The following DIP2C variants were observed in gnomAD, a reference collection of about 807,000 sequenced individuals.
The protein encoded by DIP2C is disco-interacting protein 2 homolog C.
Under a neutral mutation model 192.4 loss-of-function variants are expected in DIP2C, and 33 were observed. The ratio of observed to expected loss-of-function variants is 0.17; its 90% CI spans 0.13 to 0.23. DIP2C has a LOEUF of 0.23. Ranked by LOEUF, DIP2C falls within the 10% of genes least tolerant of loss-of-function variation. The pLI is 1.00. For synonymous variants in DIP2C, 979 were observed against 864.1 expected, an observed-to-expected ratio of 1.13 and a Z score of -2.33; for missense variants, 1,537 against 2,110.1, an observed-to-expected ratio of 0.73 and a Z score of 5.32.
At chr10:619,480 A>AT (rs1853698278) in intron 1 of DIP2C, among the ~76,000 whole-genome samples, 1 of 144,788 alleles carries the variant, frequency 6.9e-6, no homozygotes, top group Non-Finnish European at 1.5e-5. Flanking sequence ...CCTCAACAGG[A>AT]AGACGCAGAA....
At chr10:667,895 A>G (rs572791851) in intron 1 of DIP2C, 1 of 152,362 alleles carries the variant, frequency 6.6e-6, no homozygotes, top group East Asian at 1.9e-4. Flanking sequence ...CAACACACTC[A>G]TACAGCACAT....
chr10:577,873 A>G (rs1850274238), intron 1 of DIP2C, among the ~76,000 whole-genome samples: 1 of 151,556 alleles, frequency 6.6e-6, no homozygotes. Flanking sequence ...AACCTTTTGG[A>G]AAGTTGGGAG....
intron 32 of DIP2C, among the ~76,000 whole-genome samples, chr10:303,513 G>A (rs1956155409): frequency 6.6e-6 from 1 of 151,504 alleles, no homozygotes; most frequent in South Asian, 2.1e-4. Flanking sequence ...TCTATTAAAA[G>A]TTTTTTACTT....
chr10:409,671 G>A (rs1363230474), intron 8 of DIP2C, among the ~76,000 whole-genome samples: 3 of 152,200 alleles, frequency 2.0e-5, no homozygotes, highest in South Asian at 2.1e-4. Flanking sequence ...ATCCACAGCC[G>A]GTCTCACGTG....
chr10:650,491 TG>T (rs763782122), intron 1 of DIP2C: 1 of 702,166 alleles, frequency 1.4e-6, no homozygotes, highest in South Asian at 1.5e-5. Flanking sequence ...CCACTTCTAC[TG>T]GGTTCCCTAT....
chr10:337,283 C>CCTAGGCTGATGTGTGTGTGTGT (rs1957863988), intron 29 of DIP2C, among the ~76,000 whole-genome samples: 1 of 11,844 alleles, frequency 8.4e-5, no homozygotes, highest in African/African-American at 3.0e-4. Context: ...TGTGTGTGTT[C>CCTAGGCTGATGTGTGTGTGTGT]TGTGGAGGCC....
intron 1 of DIP2C, among the ~76,000 whole-genome samples, chr10:549,005 C>CCA (rs1848455508): frequency 6.7e-6 from 1 of 149,624 alleles, no homozygotes; most frequent in Non-Finnish European, 1.5e-5. Context: ...GTCCAATCCC[C>CCA]CACCCTAACG....
At chr10:640,156 A>G (rs1158203707) in intron 1 of DIP2C, among the ~76,000 whole-genome samples, 1 of 151,856 alleles carries the variant, frequency 6.6e-6, no homozygotes, top group East Asian at 1.9e-4. Context: ...CGCACCTACC[A>G]CGCGGCTAAC....
At chr10:575,483 G>A (rs534362501) in intron 1 of DIP2C, among the ~76,000 whole-genome samples, 11 of 152,284 alleles carry the variant, frequency 7.2e-5, no homozygotes, top group Non-Finnish European at 1.3e-4. Context: ...CAAAACAAAC[G>A]CAAAAGTCTC....
chr10:300,381 AGCCAGTCAC>A (rs528169857), intron 32 of DIP2C, among the ~76,000 whole-genome samples: 2,181 of 152,368 alleles, frequency 0.014, 32 homozygotes, highest in Non-Finnish European at 0.024. Flanking sequence ...AGGTAACATC[AGCCAGTCAC>A]GAAAAGACAA....
At chr10:658,004 T>C (rs1208894059) in intron 1 of DIP2C, among the ~76,000 whole-genome samples, 47 of 150,708 alleles carry the variant, frequency 3.1e-4, no homozygotes, top group Non-Finnish European at 5.6e-4. Flanking sequence ...CCACTGGACC[T>C]GACCCTGGAC....
intron 1 of DIP2C, chr10:663,034 C>T: frequency 4.5e-6 from 3 of 668,426 alleles, no homozygotes; most frequent in Non-Finnish European, 8.4e-6. Context: ...ACTCTAAACA[C>T]TCTGGACCCT....
At chr10:444,310 G>A (rs77995081) in intron 3 of DIP2C, among the ~76,000 whole-genome samples, 347 of 112,564 alleles carry the variant, frequency 3.1e-3, no homozygotes, top group African/African-American at 0.02. Context: ...GCACTGTTCC[G>A]TCACCCGAGA....
intron 1 of DIP2C, among the ~76,000 whole-genome samples, chr10:595,232 G>T (rs568691845): frequency 2.0e-5 from 3 of 152,164 alleles, no homozygotes; most frequent in African/African-American, 4.8e-5. Flanking sequence ...CCTCACGCAG[G>T]TTTACTCACC....
chr10:507,223 G>A (rs1489759913), intron 1 of DIP2C, among the ~76,000 whole-genome samples: 11 of 150,136 alleles, frequency 7.3e-5, no homozygotes, highest in African/African-American at 1.5e-4. Flanking sequence ...CTGGTCACCC[G>A]CTGTGCACAG....
intron 1 of DIP2C, among the ~76,000 whole-genome samples, chr10:567,979 C>A (rs1460007541): frequency 3.9e-5 from 6 of 151,972 alleles, no homozygotes; most frequent in African/African-American, 1.5e-4. Flanking sequence ...CATCCCAGGA[C>A]ATCCACGTCC....
intron 1 of DIP2C, among the ~76,000 whole-genome samples, chr10:627,719 C>A (rs979274130): frequency 6.6e-6 from 1 of 152,268 alleles, no homozygotes; most frequent in Admixed American, 6.5e-5. Flanking sequence ...GGGCCGTGCA[C>A]GCAAGAGCGA....
At chr10:525,721 T>TACAC (rs1407447887) in intron 1 of DIP2C, among the ~76,000 whole-genome samples, 1 of 152,088 alleles carries the variant, frequency 6.6e-6, no homozygotes, top group Non-Finnish European at 1.5e-5. Context: ...GCCAGCCCCG[T>TACAC]ACACCCATCA....
At chr10:348,576 G>A in intron 26 of DIP2C, 65 bp downstream of exon 26, 1 of 1,574,924 alleles carries the variant, frequency 6.3e-7, no homozygotes, top group East Asian at 2.3e-5. Flanking sequence ...GTCAGAGTCT[G>A]CGCGTTGCAA....
Sources: allele counts gnomAD v4.1 joint callset (sites outside exome capture counted in the v4.1 genomes callset), GRCh38; gene constraint gnomAD v4.1.1; transcripts MANE v1.5; gene names NCBI Gene and HGNC (gene_info 2026-07-23, HGNC 2026-07-21).